Variants in C11orf65 observed in about 807,000 individuals in gnomAD.
The protein encoded by C11orf65 is chromosome 11 open reading frame 65.
C11orf65 carries 38 observed loss-of-function variants against 35.3 expected under a neutral mutation model. The ratio of observed to expected loss-of-function variants is 1.08; its 90% CI spans 0.83 to 1.41. C11orf65 has a LOEUF of 1.41. Ranked by LOEUF, C11orf65 falls within the 40% of genes most tolerant of loss-of-function variation. The probability of loss-of-function intolerance (pLI) is 0.00; values close to 1 mark genes in which losing one functional copy is unlikely to be tolerated. For synonymous variants in C11orf65, 105 were observed against 114.4 expected (o/e 0.92, Z 0.53); for missense variants, 370 against 367.1 (o/e 1.01, Z -0.06).
chr11:108,379,989 T>A (rs1338314675), downstream of C11orf65, among the ~76,000 whole-genome samples: 1 of 152,152 alleles, frequency 6.6e-6, no homozygotes, highest in East Asian at 1.9e-4. Flanking sequence ...TTGGGAATTA[T>A]CTCCAGCAGA....
chr11:108,411,594 G>A (rs903120637), intron 3 of C11orf65, among the ~76,000 whole-genome samples: 3 of 152,076 alleles, frequency 2.0e-5, no homozygotes, highest in East Asian at 1.9e-4. Flanking sequence ...TAAAATCTTC[G>A]ACTATGCTTG....
intron 6 of C11orf65, among the ~76,000 whole-genome samples, chr11:108,322,185 C>A (rs186638361): frequency 2.0e-5 from 3 of 152,036 alleles, no homozygotes; most frequent in African/African-American, 7.2e-5. Flanking sequence ...GACCAAGTCT[C>A]GCTCTGTTGC....
chr11:108,372,174 TATTCATTCATTC>T lies in C11orf65; in HGVS notation c.226+21022_226+21033del, dbSNP rs57080338. ...TATAACTCTTTGTAACACTAAATTT[TATTCATTCATTC>T]ATTCATTCATTCATTCATTCATTCT... On this transcript the variant is annotated intron_variant, in intron 2 of 3. Coordinates refer to the C11orf65 transcript ENST00000524755. Among the ~76,000 whole-genome samples the T allele has an allele frequency of 5.5e-4, 83 of 151,406 alleles. 1 individual carries two copies. Among genetic ancestry groups the T allele is most frequent in the Admixed American group, 1.4e-3 (22 of 15,200 alleles).
chr11:108,314,692 A>G (rs1055540541), intron 6 of C11orf65, among the ~76,000 whole-genome samples: 7 of 152,136 alleles, frequency 4.6e-5, no homozygotes, highest in African/African-American at 1.7e-4. Context: ...TTAGTAGTCA[A>G]AAGTTAACTA....
chr11:108,410,711 C>CT (rs35785036), intron 3 of C11orf65, among the ~76,000 whole-genome samples: 63,119 of 136,448 alleles, frequency 0.46, 15,020 homozygotes, highest in Middle Eastern at 0.66. Flanking sequence ...CTTCCTTTTA[C>CT]TTTTTTTTTT....
intron 2 of C11orf65, chr11:108,345,817 C>T (rs2137030694): frequency 6.2e-7 from 1 of 1,613,834 alleles, no homozygotes; most frequent in Non-Finnish European, 8.5e-7. Context: ...AACCAGTTTT[C>T]CGTTACTTCT....
At chr11:108,456,255 A>T (rs2093410150) in intron 2 of C11orf65, among the ~76,000 whole-genome samples, 1 of 152,228 alleles carries the variant, frequency 6.6e-6, no homozygotes, top group Non-Finnish European at 1.5e-5. Context: ...ATGGCACCAC[A>T]GCAATTCATT....
rs1042146786 is a variant in C11orf65 at position 108,393,384 on chromosome 11, T to C, written c.561-6A>G. ...CCAGACTTCCTGAGTAGTACCTAAA[T>C]AGGCAAAAGGGAAAGAGAAGTAAAT... On this transcript the variant is annotated splice_region_variant and splice_polypyrimidine_tract_variant and intron_variant, in intron 6 of 8. Coordinates refer to ENST00000393084, the MANE Select transcript of C11orf65 (RefSeq NM_152587.5). 8 of 1,610,920 alleles carry C rather than the reference T, an allele frequency of 5.0e-6. No individual in the cohort carries two copies. The highest frequency in any genetic ancestry group is 1.7e-5 in the Admixed American group (1 of 59,940).
At chr11:108,415,978 G>A (rs2092724907) in intron 3 of C11orf65, among the ~76,000 whole-genome samples, 1 of 152,090 alleles carries the variant, frequency 6.6e-6, no homozygotes, top group African/African-American at 2.4e-5. Flanking sequence ...AACTAAAACT[G>A]GATCATAACT....
intron 3 of C11orf65, among the ~76,000 whole-genome samples, chr11:108,422,984 T>C (rs2092842225): frequency 6.6e-6 from 1 of 151,912 alleles, no homozygotes; most frequent in African/African-American, 2.4e-5. Flanking sequence ...AAATCTTGTA[T>C]AATATGAGAA....
intron 3 of C11orf65, among the ~76,000 whole-genome samples, chr11:108,424,375 G>C (rs2092868108): frequency 6.6e-6 from 1 of 152,076 alleles, no homozygotes; most frequent in South Asian, 2.1e-4. Flanking sequence ...GAAAAGGAGT[G>C]AACAAAGCCT....
intron 3 of C11orf65, among the ~76,000 whole-genome samples, chr11:108,410,336 G>A (rs1031739005): frequency 6.6e-6 from 1 of 152,060 alleles, no homozygotes; most frequent in Non-Finnish European, 1.5e-5. Context: ...TGGCCATATG[G>A]ATCTATCAGT....
chr11:108,315,085 G>GA (rs988485250), intron 6 of C11orf65, among the ~76,000 whole-genome samples: 4 of 152,150 alleles, frequency 2.6e-5, no homozygotes, highest in African/African-American at 7.2e-5. Flanking sequence ...TAAACACAGT[G>GA]AAAAAATACA....
At chr11:108,397,083 G>A (rs2092329549) in intron 6 of C11orf65, among the ~76,000 whole-genome samples, 1 of 151,950 alleles carries the variant, frequency 6.6e-6, no homozygotes, top group Admixed American at 6.6e-5. Flanking sequence ...AACTTTGAGA[G>A]GCAAAGGTGG....
At chr11:108,422,102 G>C (rs1238331133) in intron 3 of C11orf65, among the ~76,000 whole-genome samples, 2 of 151,980 alleles carry the variant, frequency 1.3e-5, no homozygotes, top group Admixed American at 1.3e-4. Context: ...GCTAATTTTT[G>C]TATTTTTAGT....
At chr11:108,332,546 G>A (rs945619707) in intron 3 of C11orf65, among the ~76,000 whole-genome samples, 3 of 152,136 alleles carry the variant, frequency 2.0e-5, no homozygotes, top group Non-Finnish European at 4.4e-5. Context: ...TTGGCAAAGT[G>A]AAACAATAGA....
intron 6 of C11orf65, chr11:108,310,105 A>G (rs923104890): frequency 2.2e-5 from 35 of 1,561,132 alleles, no homozygotes; most frequent in Middle Eastern, 2.0e-4. Context: ...ACATGCTTTT[A>G]TTTTGATATT....
At chr11:108,468,907 C>T (rs2093561730), upstream of C11orf65, among the ~76,000 whole-genome samples, 1 of 152,066 alleles carries the variant, frequency 6.6e-6, no homozygotes, top group Non-Finnish European at 1.5e-5. Context: ...AGTTCAAGAC[C>T]AGCCTGGACA....
intron 2 of C11orf65, among the ~76,000 whole-genome samples, chr11:108,433,814 G>C (rs1299816425): frequency 6.6e-6 from 1 of 151,800 alleles, no homozygotes; most frequent in African/African-American, 2.4e-5. Flanking sequence ...GCAGTACAGA[G>C]AGGAAGGGAA....
Sources: allele counts gnomAD v4.1 joint callset (sites outside exome capture counted in the v4.1 genomes callset), GRCh38; gene constraint gnomAD v4.1.1; transcripts MANE v1.5; gene names NCBI Gene and HGNC (gene_info 2026-07-23, HGNC 2026-07-21).